CACNA2D3: variants seen among roughly 807,000 people sequenced by gnomAD.
The protein encoded by CACNA2D3 is voltage-dependent calcium channel subunit alpha-2/delta-3.
CACNA2D3 carries 60 observed loss-of-function variants against 160.6 expected under a neutral mutation model. That is an observed-to-expected ratio of 0.37 (90% CI 0.30 to 0.46). CACNA2D3 has a LOEUF of 0.46. CACNA2D3 is among the 20% of genes least tolerant of loss of function. The pLI, the probability that CACNA2D3 is intolerant of heterozygous loss-of-function variation, is 1.00. For synonymous variants in CACNA2D3, 558 were observed against 492.9 expected, an observed-to-expected ratio of 1.13 and a Z score of -1.75; for missense variants, 1,205 against 1,365.0, an observed-to-expected ratio of 0.88 and a Z score of 1.85.
intron 29 of CACNA2D3, among the ~76,000 whole-genome samples, chr3:54,975,801 A>T (rs1268547851): frequency 1.3e-5 from 2 of 152,124 alleles, no homozygotes; most frequent in African/African-American, 4.8e-5. Flanking sequence ...CTTGGTTCAG[A>T]TATTAGCTCA....
At chr3:54,702,693 T>A (rs1700788726) in intron 11 of CACNA2D3, among the ~76,000 whole-genome samples, 1 of 152,084 alleles carries the variant, frequency 6.6e-6, no homozygotes, top group African/African-American at 2.4e-5. Flanking sequence ...CTCAGAGAAC[T>A]TAGAACAGAA....
intron 13 of CACNA2D3, among the ~76,000 whole-genome samples, chr3:54,787,256 G>A (rs1559581686): frequency 6.6e-6 from 1 of 152,174 alleles, no homozygotes; most frequent in African/African-American, 2.4e-5. Context: ...GATTCTGTTG[G>A]TGTAAACCAC....
chr3:54,914,243 T>G (rs1193080953), intron 27 of CACNA2D3, among the ~76,000 whole-genome samples: 1 of 152,088 alleles, frequency 6.6e-6, no homozygotes, highest in Admixed American at 6.6e-5. Context: ...TTATGTCAAC[T>G]CCAGTTGATC....
chr3:54,585,775 C>G (rs1429703711), intron 9 of CACNA2D3, among the ~76,000 whole-genome samples: 1 of 152,184 alleles, frequency 6.6e-6, no homozygotes, highest in East Asian at 1.9e-4. Context: ...TTACCTCCCA[C>G]TGGGTCCCTC....
At chr3:54,198,849 T>C (rs1701126709) in intron 2 of CACNA2D3, among the ~76,000 whole-genome samples, 1 of 152,264 alleles carries the variant, frequency 6.6e-6, no homozygotes, top group South Asian at 2.1e-4. Flanking sequence ...CTCAAAAGCC[T>C]TTGTTCTTCC....
At chr3:54,619,790 C>T (rs1698942203) in intron 9 of CACNA2D3, among the ~76,000 whole-genome samples, 1 of 20,866 alleles carries the variant, frequency 4.8e-5, no homozygotes, top group Admixed American at 5.6e-4. Flanking sequence ...ATGTGCCTTA[C>T]CTACAAGATA....
intron 3 of CACNA2D3, among the ~76,000 whole-genome samples, chr3:54,326,096 G>T (rs917692446): frequency 1.3e-5 from 2 of 152,180 alleles, no homozygotes; most frequent in African/African-American, 4.8e-5. Context: ...TTCAATTTCA[G>T]TGCATTCACG....
chr3:54,533,362 G>T lies in CACNA2D3; in HGVS notation c.545-29438G>T, dbSNP rs534951804. On this transcript the variant is annotated intron_variant, in intron 5 of 37. Coordinates refer to ENST00000474759, the MANE Select transcript of CACNA2D3 (RefSeq NM_018398.3). ...TTTTTTTTTTTTTTTTTGAGACAGA[G>T]TCTCATTCTGTCACTCAGGTTGAGT... is the stretch of plus-strand genomic sequence containing the variant. 1.4e-3 allele frequency among the ~76,000 whole-genome samples: 174 copies of T among 120,842 alleles called. 1 individual carries two copies. Among genetic ancestry groups the T allele is most frequent in the Middle Eastern group, 6.8e-3 (1 of 148 alleles). The allele number at this position is 120,842 out of a possible 152,430, so 79.3% of individuals were successfully genotyped here. A position where few individuals can be genotyped will look rare whatever the true frequency, so the allele number is the denominator to read the frequency against.
intron 11 of CACNA2D3, among the ~76,000 whole-genome samples, chr3:54,710,769 T>C (rs912597252): frequency 6.6e-6 from 1 of 152,216 alleles, no homozygotes; most frequent in Non-Finnish European, 1.5e-5. Context: ...GTTAGCCACA[T>C]TGAGTGTAGT....
rs1700199041 is a variant in CACNA2D3, at chr3:54,896,745, C to A, written c.2247-4C>A. ...ATGTTCTTCTGATTCTTTTCCACTT[C>A]AAGGGACTTCCTGAAAGCTGGCGAC... On this transcript the variant is annotated splice_region_variant and splice_polypyrimidine_tract_variant and intron_variant, in intron 25 of 37. Transcript: ENST00000474759. 1 of 1,613,988 alleles carries A rather than the reference C, an allele frequency of 6.2e-7. No individual in the cohort carries two copies. The highest frequency in any genetic ancestry group is 1.1e-5 in the South Asian group (1 of 91,088).
At position 54,289,517 on chromosome 3, in the gene CACNA2D3, A is replaced by T. The variant is rs939438463; in HGVS notation, c.205-30925A>T. 2.0e-5 allele frequency among the ~76,000 whole-genome samples: 3 copies of T among 151,312 alleles called. No homozygotes were observed. In the South Asian group the frequency reaches 6.2e-4, roughly 31 times the overall value. On this transcript the variant is annotated intron_variant, in intron 2 of 37. Coordinates refer to ENST00000474759, the MANE Select transcript of CACNA2D3 (RefSeq NM_018398.3). Reference sequence around the variant, plus strand: ...TTATAGATTCAATGCCATCCCCATCAAGCTACCAATGACTTTCTTCACAGA... The same window carrying T: ...TTATAGATTCAATGCCATCCCCATCTAGCTACCAATGACTTTCTTCACAGA...
At chr3:54,837,094 G>A in intron 14 of CACNA2D3, 65 bp from the exon 15 acceptor site, 2 of 1,358,724 alleles carry the variant, frequency 1.5e-6, no homozygotes, top group Non-Finnish European at 1.1e-6. Flanking sequence ...ATTGTCAAGG[G>A]GGTGGCCTCC....
At chr3:54,276,744 GT>G (rs1702750785) in intron 2 of CACNA2D3, among the ~76,000 whole-genome samples, 1 of 152,024 alleles carries the variant, frequency 6.6e-6, no homozygotes, top group African/African-American at 2.4e-5. Flanking sequence ...TGGTAAAGAA[GT>G]TTTTTTCTGT....
intron 2 of CACNA2D3, among the ~76,000 whole-genome samples, chr3:54,160,956 G>A (rs552502249): frequency 3.9e-5 from 6 of 152,192 alleles, no homozygotes; most frequent in Admixed American, 3.9e-4. Context: ...GAGCAAAGGC[G>A]AAGTCCAGCA....
At chr3:54,932,470 A>C (rs1701213115) in intron 27 of CACNA2D3, among the ~76,000 whole-genome samples, 1 of 152,190 alleles carries the variant, frequency 6.6e-6, no homozygotes, top group African/African-American at 2.4e-5. Context: ...TTCTGCTTAT[A>C]CTTCTGTATA....
chr3:54,764,954 A>T (rs1702192013), intron 13 of CACNA2D3, among the ~76,000 whole-genome samples: 1 of 152,194 alleles, frequency 6.6e-6, no homozygotes, highest in South Asian at 2.1e-4. Flanking sequence ...GCCAATCATC[A>T]AGTAATGGCT....
chr3:54,195,209 C>G (rs1431594291), intron 2 of CACNA2D3, among the ~76,000 whole-genome samples: 1 of 152,134 alleles, frequency 6.6e-6, no homozygotes, highest in Non-Finnish European at 1.5e-5. Flanking sequence ...GCCGTTGTCC[C>G]AGGGCATTCT....
At chr3:54,925,287 G>T (rs144580254) in intron 27 of CACNA2D3, 2 of 1,240,836 alleles carry the variant, frequency 1.6e-6, no homozygotes, top group African/African-American at 3.0e-5. Context: ...TTCCGCCTTT[G>T]AATTTACAGG....
At chr3:54,567,487 A>G (rs1292270620) in intron 6 of CACNA2D3, among the ~76,000 whole-genome samples, 1 of 150,924 alleles carries the variant, frequency 6.6e-6, no homozygotes, top group African/African-American at 2.4e-5. Flanking sequence ...GATAGGCAGT[A>G]TCTGTTCAGG....
Sources: allele counts gnomAD v4.1 joint callset (sites outside exome capture counted in the v4.1 genomes callset), GRCh38; gene constraint gnomAD v4.1.1; transcripts MANE v1.5; gene names NCBI Gene and HGNC (gene_info 2026-07-23, HGNC 2026-07-21).